RREB1: variants seen among roughly 807,000 people sequenced by gnomAD.
RREB1 encodes ras-responsive element-binding protein 1.
RREB1 carries 27 observed loss-of-function variants against 117.8 expected under a neutral mutation model. The observed-to-expected ratio is 0.23, with a 90% CI of 0.17 to 0.32. RREB1 has a LOEUF of 0.32. RREB1 is among the 10% of genes least tolerant of loss of function. RREB1 has a pLI of 1.00. For missense variants in RREB1, 2,577 were observed against 2,378.2 expected (o/e 1.08, Z -1.74); for synonymous variants, 1,298 against 1,026.7 (o/e 1.26, Z -5.05).
chr6:7,244,948 G>A (rs886171060), intron 11 of RREB1, among the ~76,000 whole-genome samples: 7 of 152,198 alleles, frequency 4.6e-5, no homozygotes, highest in African/African-American at 1.7e-4. Context: ...ACCTGATCAC[G>A]TCAAGTGAGA....
At chr6:7,197,374 T>A (rs1205361579) in intron 6 of RREB1, among the ~76,000 whole-genome samples, 2 of 152,242 alleles carry the variant, frequency 1.3e-5, no homozygotes, top group Admixed American at 6.5e-5. Context: ...ACTTCACTGA[T>A]TCTTTGAAGA....
intron 1 of RREB1, among the ~76,000 whole-genome samples, chr6:7,168,122 A>G (rs1349949026): frequency 6.6e-6 from 1 of 151,914 alleles, no homozygotes; most frequent in Non-Finnish European, 1.5e-5. Flanking sequence ...GGGTGTGGTG[A>G]TGCATGCCTG....
In RREB1 at chr6:7,153,707, A is replaced by G. The variant is rs576142444; in HGVS notation, c.-284-22948A>G. 1.1e-3 allele frequency among the ~76,000 whole-genome samples: 165 copies of G among 152,316 alleles called. 4 individuals carry two copies. In the South Asian group the frequency reaches 0.033, roughly 31 times the overall value. On this transcript the variant is annotated intron_variant, in intron 1 of 12. Transcript: ENST00000379938. ...TGGGCTTAAGACTGATGATGTGGGC[A>G]TCCTCTTTATAATGAAGTCAGGCTA...
chr6:7,141,072 C>G (rs1474476364), intron 1 of RREB1, among the ~76,000 whole-genome samples: 2 of 152,234 alleles, frequency 1.3e-5, no homozygotes, highest in Non-Finnish European at 2.9e-5. Context: ...CTGTGCCCTC[C>G]TCAGGCTGGG....
chr6:7,164,421 A>G (rs1220085792), intron 1 of RREB1, among the ~76,000 whole-genome samples: 1 of 152,178 alleles, frequency 6.6e-6, no homozygotes, highest in Non-Finnish European at 1.5e-5. Context: ...CCAGAAAGGA[A>G]CTCCAGGGGG....
chr6:7,128,901 G>A (rs766329872), intron 1 of RREB1, among the ~76,000 whole-genome samples: 37 of 152,268 alleles, frequency 2.4e-4, no homozygotes, highest in Middle Eastern at 3.4e-3. Context: ...TCCGGGAGGC[G>A]GAGGTTGCAC....
At position 7,126,306 on chromosome 6, in the gene RREB1, C is replaced by T. The variant is rs904421996; in HGVS notation, c.-285+18246C>T. Among the ~76,000 whole-genome samples the T allele has an allele frequency of 5.4e-4, 79 of 147,524 alleles. 2 individuals are homozygous for T. The highest frequency in any genetic ancestry group is 1.5e-4 in the Non-Finnish European group (10 of 66,916). On this transcript the variant is annotated intron_variant, in intron 1 of 12. Coordinates refer to ENST00000379938, the MANE Select transcript of RREB1 (RefSeq NM_001003699.4). ...TGAGCCACTGCGCCCGGCCTCGATTCCCCCCCGACCCATTCTTGTTGCCCA... is the reference window on the plus strand; with the variant it reads ...TGAGCCACTGCGCCCGGCCTCGATTTCCCCCCGACCCATTCTTGTTGCCCA...
chr6:7,198,002 GTAT>G (rs1765753971), intron 6 of RREB1, among the ~76,000 whole-genome samples: 1 of 152,196 alleles, frequency 6.6e-6, no homozygotes, highest in South Asian at 2.1e-4. Flanking sequence ...CAGGTGGCCA[GTAT>G]TAAATGAGAC....
At chr6:7,247,970 C>T (rs1376000177) in intron 12 of RREB1, among the ~76,000 whole-genome samples, 2 of 152,234 alleles carry the variant, frequency 1.3e-5, no homozygotes, top group African/African-American at 4.8e-5. Flanking sequence ...CTCTGCCCTG[C>T]GCTTGCCCGT....
rs142510179 is a variant in RREB1 at position 7,210,858 on chromosome 6, A to G, written c.480A>G (p.Pro160=). The change falls in exon 7 of 13, where the codon CCA becomes CCG. Residue 160 remains proline, a synonymous_variant. Transcript: ENST00000379938. ...DPNSATATAP[P]SPLKRRRLSS... ...ACAGTGCCACAGCCACAGCCCCTCC[A>G]TCTCCTCTGAAACGTAGGCGATTGT... 2.7e-4 allele frequency: 437 copies of G among 1,613,950 alleles called. No homozygotes were observed. The highest frequency in any genetic ancestry group is 3.5e-4 in the Non-Finnish European group (413 of 1,179,938).
intron 10 of RREB1, among the ~76,000 whole-genome samples, chr6:7,236,088 C>T (rs752949968): frequency 6.6e-6 from 1 of 152,124 alleles, no homozygotes; most frequent in African/African-American, 2.4e-5. Context: ...TACCTAAACG[C>T]GCCACTCCAT....
intron 11 of RREB1, among the ~76,000 whole-genome samples, chr6:7,240,835 G>A (rs1768663099): frequency 6.6e-6 from 1 of 152,146 alleles, no homozygotes; most frequent in African/African-American, 2.4e-5. Flanking sequence ...AGTGCCCCTC[G>A]GTGACTCTCG....
intron 8 of RREB1, among the ~76,000 whole-genome samples, chr6:7,224,705 T>C (rs899962683): frequency 3.9e-5 from 6 of 152,192 alleles, no homozygotes; most frequent in African/African-American, 1.4e-4. Context: ...GCCTGTGATT[T>C]AGACCGCTGG....
In RREB1 at chr6:7,230,583, C is replaced by A; in HGVS notation, c.2484C>A (p.Ala828=). ...ACATCGAGAGCTACGTGCTGGCCGC[C>A]GACGGCCTGGGCCCCGCAGAGGCGC... The part of the protein sequence containing the change: ...EQDIESYVLA[A]DGLGPAEAPA... The change falls in exon 10 of 13, where the codon GCC becomes GCA. Residue 828 remains alanine (A), a synonymous_variant. Coordinates refer to ENST00000379938, the MANE Select transcript of RREB1 (RefSeq NM_001003699.4). The A allele has an allele frequency of 6.2e-7, 1 of 1,602,896 alleles. No individual in the cohort carries two copies. Among genetic ancestry groups the A allele is most frequent in the Non-Finnish European group, 8.5e-7 (1 of 1,175,826 alleles).
Position 7,229,474 on chromosome 6 carries a change from A to G in RREB1, c.1375A>G (p.Ile459Val), listed in dbSNP as rs199565690. The change falls in exon 10 of 13, where the codon ATC (isoleucine) becomes GTC (valine). Residue 459 changes from isoleucine (I) to valine (V), a missense_variant. Transcript: ENST00000379938. The surrounding 1 kb of genome is among the most constrained non-coding windows in gnomAD (Gnocchi z 4.5). ...TGACAGCAGCATTGTGGTCAAGCCC[A>G]TCTCTGGCGAGTCGGCCATCGAGCT... ...QPDSSIVVKP[I>V]SGESAIELAD... is the part of the protein sequence containing the mutation. The G allele has an allele frequency of 5.8e-4, 937 of 1,614,168 alleles. 2 individuals are homozygous for G. Among genetic ancestry groups the G allele is most frequent in the Non-Finnish European group, 4.8e-4 (561 of 1,180,020 alleles).
chr6:7,230,873 T>A lies in RREB1; in HGVS notation c.2774T>A (p.Leu925Gln). The A allele has an allele frequency of 6.2e-7, 1 of 1,614,234 alleles. No individual in the cohort carries two copies. Among genetic ancestry groups the A allele is most frequent in the Non-Finnish European group, 8.5e-7 (1 of 1,180,036 alleles). ...ATCTCCTTTCTGAGCCCTTCTTCCCTGGTCCCCTATGACTGCTCCATGGAG... is the reference window on the plus strand; with the variant it reads ...ATCTCCTTTCTGAGCCCTTCTTCCCAGGTCCCCTATGACTGCTCCATGGAG... Reference protein sequence around the residue: ...ENISFLSPSSLVPYDCSMEPI... With the variant: ...ENISFLSPSSQVPYDCSMEPI... The change falls in exon 10 of 13, where the codon CTG becomes CAG. Residue 925 changes from leucine to glutamine, a missense_variant. By Grantham distance (113) the Leu-to-Gln change is moderately radical (BLOSUM62 -2). Coordinates refer to ENST00000379938, the MANE Select transcript of RREB1 (RefSeq NM_001003699.4).
At position 7,230,414 on chromosome 6, in the gene RREB1, T is replaced by C; in HGVS notation, c.2315T>C (p.Met772Thr). 1 of 1,591,970 alleles carries C rather than the reference T, an allele frequency of 6.3e-7. No homozygotes were observed. The highest frequency in any genetic ancestry group is 8.5e-7 in the Non-Finnish European group (1 of 1,174,734). Residue 772 changes from methionine to threonine, a missense_variant, in exon 10 of 13, where the codon ATG becomes ACG. By Grantham distance (81) the Met-to-Thr change is moderately conservative (BLOSUM62 -1). Coordinates refer to ENST00000379938, the MANE Select transcript of RREB1 (RefSeq NM_001003699.4). ...CACTATCGTGCCCTGCGCATCCACA[T>C]GCGCACGCACTGCGGCCGCGGCCTG... Reference protein sequence around the residue: ...LKHYRALRIHMRTHCGRGLGG... With the variant: ...LKHYRALRIHTRTHCGRGLGG...
chr6:7,142,049 T>C (rs926468366), intron 1 of RREB1, among the ~76,000 whole-genome samples: 8 of 151,688 alleles, frequency 5.3e-5, no homozygotes, highest in Non-Finnish European at 8.8e-5. Flanking sequence ...CCGTCTGTAC[T>C]AAAAAAAATA....
Position 7,247,187 on chromosome 6 carries a change from G to A in RREB1, c.4737G>A (p.Leu1579=), listed in dbSNP as rs1268594787. ...CSVCNKRFWS[L]QDLTRHMRSH... ...TGTGCAACAAGCGGTTCTGGTCGCT[G>A]CAGGACCTGACCCGGCACATGCGCT... Residue 1579 remains leucine, a synonymous_variant, in exon 12 of 13, where the codon CTG becomes CTA. Coordinates refer to ENST00000379938, the MANE Select transcript of RREB1 (RefSeq NM_001003699.4). 1 of 1,613,656 alleles carries A rather than the reference G, an allele frequency of 6.2e-7. No homozygotes were observed. Among genetic ancestry groups the A allele is most frequent in the Non-Finnish European group, 8.5e-7 (1 of 1,179,982 alleles).
Sources: allele counts gnomAD v4.1 joint callset (sites outside exome capture counted in the v4.1 genomes callset), GRCh38; gene constraint gnomAD v4.1.1; non-coding constraint Gnocchi (gnomAD v3.1); transcripts MANE v1.5; gene names NCBI Gene and HGNC (gene_info 2026-07-23, HGNC 2026-07-21).